Variants in NIPBL observed in about 807,000 individuals in gnomAD.
NIPBL encodes the protein NIPBL cohesin loading factor, also known as nipped-B-like protein.
In NIPBL, 19 loss-of-function variants were observed where a neutral mutation model predicts 321.8. That is an observed-to-expected ratio of 0.06 (90% CI 0.04 to 0.09). The LOEUF (loss-of-function observed/expected upper bound fraction) is 0.09, where lower values mean the gene tolerates loss of function less well. NIPBL is among the 10% of genes least tolerant of loss of function. The pLI, the probability that NIPBL is intolerant of heterozygous loss-of-function variation, is 1.00. For missense variants in NIPBL, 2,210 were observed against 3,327.0 expected (o/e 0.66, Z 8.26); for synonymous variants, 1,106 against 1,114.1 (o/e 0.99, Z 0.14).
chr5:37,020,439 T>A lies in NIPBL; in HGVS notation c.5011-20T>A. On this transcript the variant is annotated intron_variant, in intron 25 of 46. Coordinates refer to ENST00000282516, the MANE Select transcript of NIPBL (RefSeq NM_133433.4). ...TGTTGCTAATTTCATCAAGCTCAAG[T>A]CTGTCTAATTTCTTTCCAGTTTTCT... 1 of 1,525,172 alleles carries A rather than the reference T, an allele frequency of 6.6e-7. No individual in the cohort carries two copies. The highest frequency in any genetic ancestry group is 9.1e-7 in the Non-Finnish European group (1 of 1,099,762). The allele number at this position is 1,525,172 out of a possible 1,614,324, so 94.5% of individuals were successfully genotyped here.
intron 33 of NIPBL, among the ~76,000 whole-genome samples, chr5:37,037,312 C>T (rs1450325445): frequency 6.6e-6 from 1 of 150,850 alleles, no homozygotes; most frequent in Non-Finnish European, 1.5e-5. Flanking sequence ...GGCATGAGCC[C>T]GGGAGGCAGA....
chr5:37,011,631 C>T (rs1748136526), intron 21 of NIPBL, among the ~76,000 whole-genome samples: 1 of 152,182 alleles, frequency 6.6e-6, no homozygotes, highest in Non-Finnish European at 1.5e-5. Flanking sequence ...CCATCCCAAT[C>T]CCATTGTTTG....
At chr5:36,882,382 A>G (rs971476747) in intron 1 of NIPBL, among the ~76,000 whole-genome samples, 1 of 151,940 alleles carries the variant, frequency 6.6e-6, no homozygotes, top group African/African-American at 2.4e-5. Context: ...TCCTCAAGGT[A>G]TTGAAAAGTT....
At chr5:37,027,276 T>G (rs1449347596) in intron 31 of NIPBL, 83 bp from the exon 32 acceptor site, 5 of 1,079,364 alleles carry the variant, frequency 4.6e-6, no homozygotes, top group Admixed American at 1.8e-5. Context: ...TTGAAACATG[T>G]TTCAGGCTAA....
At chr5:36,903,230 T>A (rs975120335) in intron 1 of NIPBL, among the ~76,000 whole-genome samples, 6 of 152,160 alleles carry the variant, frequency 3.9e-5, no homozygotes, top group Non-Finnish European at 8.8e-5. Flanking sequence ...TAGTTTGACT[T>A]TCTCTCTTCC....
At chr5:36,958,757 A>C (rs1741264767) in intron 4 of NIPBL, among the ~76,000 whole-genome samples, 1 of 152,130 alleles carries the variant, frequency 6.6e-6, no homozygotes, top group African/African-American at 2.4e-5. Context: ...ATTTTTATGT[A>C]GTCATGGAGT....
intron 21 of NIPBL, 43 bp downstream of exon 21, chr5:37,010,268 A>G: frequency 7.2e-7 from 1 of 1,388,346 alleles, no homozygotes; most frequent in Non-Finnish European, 1.0e-6. Flanking sequence ...CTTTTATTGA[A>G]GGAAATACCT....
intron 6 of NIPBL, 93 bp from the exon 7 acceptor site, chr5:36,970,783 T>A: frequency 8.8e-7 from 1 of 1,137,410 alleles, no homozygotes; most frequent in Non-Finnish European, 1.3e-6. Context: ...TCTCTGTAAT[T>A]TCTATATGCT....
In NIPBL at chr5:36,938,012, T is replaced by C. The variant is rs574746638; in HGVS notation, c.-79-15606T>C. On this transcript the variant is annotated intron_variant, in intron 1 of 46. Coordinates refer to ENST00000282516, the MANE Select transcript of NIPBL (RefSeq NM_133433.4). ...TAGATTGCATTAATAGCACCGGTTG[T>C]TTGCCATGTGACCACACCATTTACC... 1.9e-4 allele frequency among the ~76,000 whole-genome samples: 29 copies of C among 152,266 alleles called. 1 individual carries two copies. The South Asian group carries it at 5.8e-3, about 30-fold the overall frequency.
rs748587506 is a variant in NIPBL, at chr5:37,058,965, A to G, written c.7485A>G (p.Glu2495=). The G allele has an allele frequency of 6.2e-7, 1 of 1,614,260 alleles. No individual in the cohort carries two copies. The highest frequency in any genetic ancestry group is 1.1e-5 in the South Asian group (1 of 91,090). The change falls in exon 44 of 47, where the codon GAA becomes GAG. Residue 2495 remains glutamate, a synonymous_variant. Transcript: ENST00000282516. ...AAAATGAGTCAAGCGACAGTGAAGA[A>G]GAAGTTTCCAGGCCTCGGAAGTCAC... ...SKENESSDSE[E]EVSRPRKSRK...
intron 1 of NIPBL, among the ~76,000 whole-genome samples, chr5:36,909,357 A>G (rs543780605): frequency 1.3e-5 from 2 of 152,368 alleles, no homozygotes; most frequent in African/African-American, 2.4e-5. Flanking sequence ...AGTTCAGTGT[A>G]TTCAGGAAAC....
intron 10 of NIPBL, among the ~76,000 whole-genome samples, chr5:36,993,390 AACT>A (rs1745769801): frequency 6.6e-6 from 1 of 152,176 alleles, no homozygotes; most frequent in Admixed American, 6.5e-5. Flanking sequence ...AGAAAGGGTA[AACT>A]ACTGTTGATA....
chr5:36,882,141 C>T (rs914096449), intron 1 of NIPBL, among the ~76,000 whole-genome samples: 5 of 151,918 alleles, frequency 3.3e-5, no homozygotes, highest in Non-Finnish European at 7.4e-5. Flanking sequence ...ATAGGAATTC[C>T]TTTTGTGAAT....
At chr5:36,957,839 T>C (rs962736359) in intron 3 of NIPBL, among the ~76,000 whole-genome samples, 5 of 151,922 alleles carry the variant, frequency 3.3e-5, no homozygotes, top group African/African-American at 1.2e-4. Context: ...AAAAATTAGC[T>C]GGGCGTGGTG....
chr5:36,930,489 T>C (rs1333074043), intron 1 of NIPBL, among the ~76,000 whole-genome samples: 1 of 152,100 alleles, frequency 6.6e-6, no homozygotes, highest in Non-Finnish European at 1.5e-5. Flanking sequence ...CAGTGTCATC[T>C]GATAATGCAG....
intron 32 of NIPBL, among the ~76,000 whole-genome samples, chr5:37,034,549 A>C (rs1257942354): frequency 1.3e-5 from 2 of 152,226 alleles, no homozygotes; most frequent in African/African-American, 4.8e-5. Context: ...GAAAATCAGT[A>C]AAATACAGCT....
At position 37,043,633 on chromosome 5, in the gene NIPBL, G is replaced by T. The variant is rs190667368; in HGVS notation, c.6109-714G>T. Among the ~76,000 whole-genome samples, 1,031 of 152,280 alleles carry T rather than the reference G, an allele frequency of 6.8e-3. 9 individuals are homozygous for T. Among genetic ancestry groups the T allele is most frequent in the African/African-American group, 0.023 (973 of 41,544 alleles). Reference sequence around the variant, plus strand: ...GAAAATCGCTCAAGCTCAGGAGCAGGATTGCATTGAGCTGTGATTGTGCCA... The same window carrying T: ...GAAAATCGCTCAAGCTCAGGAGCAGTATTGCATTGAGCTGTGATTGTGCCA... On this transcript the variant is annotated intron_variant, in intron 34 of 46. Coordinates refer to ENST00000282516, the MANE Select transcript of NIPBL (RefSeq NM_133433.4).
rs1383095181 is a variant in NIPBL at position 37,010,199 on chromosome 5, A to G, written c.4534A>G (p.Asn1512Asp). 2 of 1,609,232 alleles carry G rather than the reference A, an allele frequency of 1.2e-6. No homozygotes were observed. ...CTTACCATCATCAGAGAAGGACTCTAATGCAGAAGAAGATTCAAATAAAAA... is the reference window on the plus strand; with the variant it reads ...CTTACCATCATCAGAGAAGGACTCTGATGCAGAAGAAGATTCAAATAAAAA... ...VHLPSSEKDS[N>D]AEEDSNKKID... The change falls in exon 21 of 47, where the codon AAT becomes GAT. Residue 1512 changes from asparagine (N) to aspartate (D), a missense_variant. Physicochemically the swap from Asn to Asp is conservative, Grantham distance 23. This residue lies in a region of NIPBL where 381 missense variants were observed against 642.3 expected (regional missense o/e 0.59). Transcript: ENST00000282516.
At chr5:36,963,556 C>CTGTA (rs2149609474) in intron 6 of NIPBL, among the ~76,000 whole-genome samples, 1 of 151,796 alleles carries the variant, frequency 6.6e-6, no homozygotes, top group East Asian at 1.9e-4. Context: ...AATCCCAGCA[C>CTGTA]TGTAGGAGGC....
Sources: allele counts gnomAD v4.1 joint callset (sites outside exome capture counted in the v4.1 genomes callset), GRCh38; gene constraint gnomAD v4.1.1; regional missense constraint gnomAD v4.1.1; transcripts MANE v1.5; gene names NCBI Gene and HGNC (gene_info 2026-07-23, HGNC 2026-07-21).